The following ZNF280A variants were observed in gnomAD, a reference collection of about 807,000 sequenced individuals.
The protein encoded by ZNF280A is zinc finger protein 280A, also known as suppressor of hairy wing homolog 1.
ZNF280A carries 26 observed loss-of-function variants against 35.9 expected under a neutral mutation model. The observed-to-expected ratio is 0.72, with a 90% confidence interval of 0.53 to 1.01. The LOEUF is 1.01. ZNF280A is among the 50% of genes least tolerant of loss of function. ZNF280A has a pLI of 0.00. For missense variants in ZNF280A, 654 were observed against 652.0 expected (o/e 1.00, Z -0.03); for synonymous variants, 231 against 232.9 (o/e 0.99, Z 0.07).
At chr22:22,517,295 T>C (rs1244863208) in intron 1 of ZNF280A, among the ~76,000 whole-genome samples, 1 of 151,958 alleles carries the variant, frequency 6.6e-6, no homozygotes, top group Non-Finnish European at 1.5e-5. Context: ...CACTAAACTG[T>C]ATGCCACACG....
At chr22:22,516,916 T>C (rs2062078529) in intron 1 of ZNF280A, among the ~76,000 whole-genome samples, 1 of 152,002 alleles carries the variant, frequency 6.6e-6, no homozygotes, top group East Asian at 2.0e-4. Context: ...GACCACAATA[T>C]CAAAAATCAC....
rs766330407 is a variant in ZNF280A, at chr22:22,514,697, A to C, written c.934T>G (p.Phe312Val). The C allele has an allele frequency of 1.2e-6, 2 of 1,613,900 alleles. No individual in the cohort carries two copies. Among genetic ancestry groups the C allele is most frequent in the East Asian group, 4.5e-5 (2 of 44,792 alleles). The change falls in exon 2 of 2, where the codon TTT (phenylalanine) becomes GTT (valine). Residue 312 changes from phenylalanine to valine, a missense_variant. Coordinates refer to ENST00000302097, the MANE Select transcript of ZNF280A (RefSeq NM_080740.5). ...SCVKVLKNIK[F>V]MNHMKHHLEF... ...AAATGATGCTTCATGTGATTCATAA[A>C]CTTAATATTTTTTAGAACTTTCACG...
chr22:22,518,684 A>G (rs9623719), intron 1 of ZNF280A, among the ~76,000 whole-genome samples: 1 of 150,766 alleles, frequency 6.6e-6, no homozygotes. Context: ...GCTACTCGGG[A>G]GGCTGAGGCA....
rs2062045500 is a variant in ZNF280A at position 22,514,484 on chromosome 22, T to C, written c.1147A>G (p.Met383Val). The C allele has an allele frequency of 3.1e-6, 5 of 1,613,928 alleles. No individual in the cohort carries two copies. The highest frequency in any genetic ancestry group is 4.2e-6 in the Non-Finnish European group (5 of 1,179,990). The part of the protein sequence containing the change: ...FETDQVLLQH[M>V]KDHHKPGEMP... ...TCGCCAGGCTTATGATGGTCCTTCA[T>C]GTGTTGTAAGAGGACCTGATCTGTT... The change falls in exon 2 of 2, where the codon ATG (methionine) becomes GTG (valine). Residue 383 changes from methionine to valine, a missense_variant. Transcript: ENST00000302097.
At position 22,514,073 on chromosome 22, in the gene ZNF280A, CAGG is replaced by C. The variant is rs756831256; in HGVS notation, c.1555_1557del (p.Pro519del). The C allele has an allele frequency of 3.2e-5, 51 of 1,612,686 alleles. No individual in the cohort carries two copies. Among genetic ancestry groups the C allele is most frequent in the Non-Finnish European group, 4.0e-5 (47 of 1,179,610 alleles). ...ATAGCCGTCTTCTTTTTAGTTTTTA[CAGG>C]AGAAGACTGAGGGTCAGTGTTGCTA... On this transcript the variant is annotated inframe_deletion, in exon 2 of 2. Transcript: ENST00000302097.
intron 1 of ZNF280A, among the ~76,000 whole-genome samples, chr22:22,517,166 T>C (rs2062081922): frequency 6.6e-6 from 1 of 151,784 alleles, no homozygotes; most frequent in Admixed American, 6.6e-5. Flanking sequence ...CAACACTTTG[T>C]AAGGCCAAGG....
Position 22,513,982 on chromosome 22 carries a change from GA to G in ZNF280A, c.*19del, listed in dbSNP as rs1569193148. 1 of 1,387,600 alleles carries G rather than the reference GA, an allele frequency of 7.2e-7. No homozygotes were observed. The highest frequency in any genetic ancestry group is 1.3e-5 in the South Asian group (1 of 78,514). The allele number at this position is 1,387,600 out of a possible 1,614,324, so 86.0% of individuals were successfully genotyped here. A position where few individuals can be genotyped will look rare whatever the true frequency, so the allele number is the denominator to read the frequency against. On this transcript the variant is annotated 3_prime_UTR_variant, in exon 2 of 2. Transcript: ENST00000302097. The stretch of plus-strand genomic sequence containing the variant: ...TCACTTCTGCCTTTCGGAACTCCTG[GA>G]AGTCAGTCGAACATATTTTCAGCTA...
chr22:22,519,949 CCTGGATAAGGGAAGACTA>C (rs1285514882), intron 1 of ZNF280A, 122 bp downstream of exon 1: 3 of 151,980 alleles, frequency 2.0e-5, no homozygotes, highest in African/African-American at 7.3e-5. Context: ...AAAGGAATAC[CCTGGATAAGGGAAGACTA>C]CTGTAGTTGA....
chr22:22,515,276 A>C lies in ZNF280A; in HGVS notation c.355T>G (p.Ser119Ala). 1 of 1,613,852 alleles carries C rather than the reference A, an allele frequency of 6.2e-7. No individual in the cohort carries two copies. Among genetic ancestry groups the C allele is most frequent in the African/African-American group, 1.3e-5 (1 of 74,982 alleles). Residue 119 changes from serine (S) to alanine (A), a missense_variant, in exon 2 of 2, where the codon TCT becomes GCT. Physicochemically the swap from Ser to Ala is moderately conservative, Grantham distance 99. Transcript: ENST00000302097. ...RSTDSPVTMK[S>A]SSEPGYKMSS... ...ATTTTATAACCAGGTTCAGATGAAG[A>C]CTTCATAGTGACAGGACTATCTGTC...
At chr22:22,519,393 G>A (rs909920587) in intron 1 of ZNF280A, among the ~76,000 whole-genome samples, 15 of 151,788 alleles carry the variant, frequency 9.9e-5, no homozygotes, top group South Asian at 8.3e-4. Flanking sequence ...AGATCGCACC[G>A]TGGCACTCCA....
chr22:22,514,563 T>C lies in ZNF280A; in HGVS notation c.1068A>G (p.Val356=), dbSNP rs2062046909. 1 of 1,613,820 alleles carries C rather than the reference T, an allele frequency of 6.2e-7. No individual in the cohort carries two copies. The highest frequency in any genetic ancestry group is 1.1e-5 in the South Asian group (1 of 91,076). Residue 356 remains valine (V), a synonymous_variant, in exon 2 of 2, where the codon GTA becomes GTG. Transcript: ENST00000302097. The part of the protein sequence containing the change: ...PFQLQCHIDS[V]HIAMGPSAVC... ...CAGCAGAGGGCCCCATGGCGATGTGTACACTATCAATGTGACACTGTAGCT... is the reference window on the plus strand; with the variant it reads ...CAGCAGAGGGCCCCATGGCGATGTGCACACTATCAATGTGACACTGTAGCT...
At chr22:22,516,296 AG>A (rs2062068943) in intron 1 of ZNF280A, among the ~76,000 whole-genome samples, 4 of 149,394 alleles carry the variant, frequency 2.7e-5, no homozygotes, top group East Asian at 2.0e-4. Context: ...CACAAATCAC[AG>A]CACACACACA....
In ZNF280A at chr22:22,514,176, C is replaced by T. The variant is rs761701402; in HGVS notation, c.1455G>A (p.Gly485=). The change falls in exon 2 of 2, where the codon GGG becomes GGA. Residue 485 remains glycine (G), a synonymous_variant. Coordinates refer to ENST00000302097, the MANE Select transcript of ZNF280A (RefSeq NM_080740.5). ...QTFKKPEQLQ[G]LPSETKVIIQ... is the part of the protein sequence containing the mutation. ...TAATAACTTTTGTTTCACTAGGCAA[C>T]CCTTGCAGTTGCTCCGGCTTTTTAA... The T allele has an allele frequency of 5.0e-6, 8 of 1,613,810 alleles. No individual in the cohort carries two copies. The South Asian group carries it at 8.8e-5, about 18-fold the overall frequency.
intron 1 of ZNF280A, among the ~76,000 whole-genome samples, chr22:22,519,627 G>T (rs1185306643): frequency 6.6e-6 from 1 of 151,756 alleles, no homozygotes; most frequent in Non-Finnish European, 1.5e-5. Context: ...TATTTGAATC[G>T]CCAGCATTGC....
Position 22,515,224 on chromosome 22 carries a change from C to T in ZNF280A, c.407G>A (p.Ser136Asn), listed in dbSNP as rs362011. The T allele has an allele frequency of 0.35, 560,184 of 1,612,866 alleles. 106,116 individuals are homozygous for T. The highest frequency in any genetic ancestry group is 0.7 in the African/African-American group (52,357 of 74,584). Residue 136 changes from serine (S) to asparagine (N), a missense_variant, in exon 2 of 2, where the codon AGT becomes AAT. Physicochemically the swap from Ser to Asn is conservative, Grantham distance 46. Coordinates refer to ENST00000302097, the MANE Select transcript of ZNF280A (RefSeq NM_080740.5). Reference sequence around the variant, plus strand: ...CCCTGGGGGGAGCGAGTCTGAGGAACTGGGAGAAACAACTTGTGGTGAGCT... The same window carrying T: ...CCCTGGGGGGAGCGAGTCTGAGGAATTGGGAGAAACAACTTGTGGTGAGCT... Reference protein sequence around the residue: ...KMSSPQVVSPSSSDSLPPGTQ... With the variant: ...KMSSPQVVSPNSSDSLPPGTQ...
In ZNF280A at chr22:22,514,815, G is replaced by A. The variant is rs1268863986; in HGVS notation, c.816C>T (p.Pro272=). 1.9e-6 allele frequency: 3 copies of A among 1,613,914 alleles called. No individual in the cohort carries two copies. The highest frequency in any genetic ancestry group is 2.5e-6 in the Non-Finnish European group (3 of 1,179,992). ...AGTAAAAGTCGCTAAGTAACACGAT[G>A]GGATTTTCTTTCTTGGGATCAAAGG... ...NKTFDPKKEN[P]IVLLSDFYYG... is the part of the protein sequence containing the mutation. The change falls in exon 2 of 2, where the codon CCC becomes CCT. Residue 272 remains proline, a synonymous_variant. Transcript: ENST00000302097.
rs771905574 is a variant in ZNF280A at position 22,514,279 on chromosome 22, A to G, written c.1352T>C (p.Leu451Pro). 6.2e-7 allele frequency: 1 copy of G among 1,613,948 alleles called. No homozygotes were observed. The highest frequency in any genetic ancestry group is 8.5e-7 in the Non-Finnish European group (1 of 1,179,982). ...HCWRHSRRRVLQCSKCRLQFL... is the reference protein window; with the variant it reads ...HCWRHSRRRVPQCSKCRLQFL... Reference sequence around the variant, plus strand: ...CTGTAGCCGGCACTTGGAACACTGAAGGACCCTCCTTCTGCTGTGCCTCCA... The same window carrying G: ...CTGTAGCCGGCACTTGGAACACTGAGGGACCCTCCTTCTGCTGTGCCTCCA... Residue 451 changes from leucine to proline, a missense_variant, in exon 2 of 2, where the codon CTT becomes CCT. Transcript: ENST00000302097.
chr22:22,516,860 C>T (rs1189033305), intron 1 of ZNF280A, among the ~76,000 whole-genome samples: 1 of 151,856 alleles, frequency 6.6e-6, no homozygotes, highest in Non-Finnish European at 1.5e-5. Flanking sequence ...CATCTGGGCT[C>T]CTGGTCTGCC....
In ZNF280A at chr22:22,515,714, A is replaced by T. The variant is rs139461091; in HGVS notation, c.-71-13T>A. The T allele has an allele frequency of 3.8e-3, 5,779 of 1,508,628 alleles. 255 individuals are homozygous for T. The highest frequency in any genetic ancestry group is 5.6e-4 in the Non-Finnish European group (639 of 1,133,822). 93.5% of individuals were successfully genotyped at this position (1,508,628 alleles called of 1,614,324 possible). A position where few individuals can be genotyped will look rare whatever the true frequency, so the allele number is the denominator to read the frequency against. On this transcript the variant is annotated splice_polypyrimidine_tract_variant and intron_variant, in intron 1 of 1. Coordinates refer to ENST00000302097, the MANE Select transcript of ZNF280A (RefSeq NM_080740.5). ...TACAAATTGCCACCTAAGTGCAACC[A>T]TGTGACAATAGTCAATATTTATTTC...
Sources: gnomAD v4.1 joint callset for allele counts (sites outside exome capture counted in the v4.1 genomes callset) on GRCh38, gnomAD v4.1.1 for gene constraint, MANE v1.5 for transcripts, NCBI Gene and HGNC (gene_info 2026-07-23, HGNC 2026-07-21) for gene names.